LHFPL3: variants seen among roughly 807,000 people sequenced by gnomAD.
The protein encoded by LHFPL3 is LHFPL tetraspan subfamily member 3.
LHFPL3 carries 5 observed loss-of-function variants against 19.3 expected under a neutral mutation model. The ratio of observed to expected loss-of-function variants is 0.26; its 90% CI spans 0.14 to 0.54. The LOEUF is 0.54. Ranked by LOEUF, LHFPL3 falls within the 20% of genes least tolerant of loss-of-function variation. LHFPL3 has a pLI of 0.94. For missense variants in LHFPL3, 249 were observed against 307.4 expected (o/e 0.81, Z 1.42); for synonymous variants, 133 against 126.2 (o/e 1.05, Z -0.36).
chr7:104,517,932 G>A (rs572775519), intron 1 of LHFPL3, among the ~76,000 whole-genome samples: 1 of 152,182 alleles, frequency 6.6e-6, no homozygotes, highest in African/African-American at 2.4e-5. Context: ...GGGTTGATGG[G>A]TGCAGCAAGC....
chr7:104,599,073 G>C (rs2115685718), intron 1 of LHFPL3, among the ~76,000 whole-genome samples: 1 of 152,242 alleles, frequency 6.6e-6, no homozygotes, highest in East Asian at 1.9e-4. Context: ...AATGAAAGCT[G>C]TGCTTTTCTT....
At chr7:104,562,859 T>C (rs1195231401) in intron 1 of LHFPL3, among the ~76,000 whole-genome samples, 2 of 151,342 alleles carry the variant, frequency 1.3e-5, no homozygotes, top group South Asian at 2.1e-4. Context: ...GATGGGTTTT[T>C]GGTGTGGATG....
chr7:104,436,342 G>A (rs1792105360), intron 1 of LHFPL3, among the ~76,000 whole-genome samples: 1 of 152,104 alleles, frequency 6.6e-6, no homozygotes, highest in African/African-American at 2.4e-5. Flanking sequence ...TATGAGGCAT[G>A]TATCTTTAAT....
chr7:104,690,058 G>A (rs1337295635), intron 1 of LHFPL3, among the ~76,000 whole-genome samples: 1 of 152,224 alleles, frequency 6.6e-6, no homozygotes, highest in East Asian at 1.9e-4. Context: ...AGGGATTGCA[G>A]AGATTAGTGC....
At chr7:104,778,891 C>T (rs574828276) in intron 2 of LHFPL3, among the ~76,000 whole-genome samples, 1 of 152,340 alleles carries the variant, frequency 6.6e-6, no homozygotes, top group African/African-American at 2.4e-5. Context: ...TTCAGTTAAA[C>T]AGAATTATTT....
chr7:104,704,191 T>G (rs1388453273), intron 1 of LHFPL3, among the ~76,000 whole-genome samples: 1 of 152,198 alleles, frequency 6.6e-6, no homozygotes, highest in Non-Finnish European at 1.5e-5. Context: ...CTATGAAAAT[T>G]GAAAAACACT....
chr7:104,691,082 T>A (rs1193894277), intron 1 of LHFPL3, among the ~76,000 whole-genome samples: 1 of 152,210 alleles, frequency 6.6e-6, no homozygotes, highest in Non-Finnish European at 1.5e-5. Context: ...GTTACTTGGC[T>A]TTGATAGAAA....
chr7:104,893,395 T>C (rs994361140), intron 2 of LHFPL3, among the ~76,000 whole-genome samples: 14 of 151,528 alleles, frequency 9.2e-5, no homozygotes, highest in Non-Finnish European at 2.1e-4. Context: ...ATATCTGTAG[T>C]CCCAGCTACT....
At chr7:104,583,134 C>A (rs1203328332) in intron 1 of LHFPL3, among the ~76,000 whole-genome samples, 1 of 152,016 alleles carries the variant, frequency 6.6e-6, no homozygotes, top group Non-Finnish European at 1.5e-5. Context: ...TGGAACAGAA[C>A]AGAGCCCTCA....
chr7:104,769,680 A>G (rs1382411470), intron 2 of LHFPL3, among the ~76,000 whole-genome samples: 3 of 149,866 alleles, frequency 2.0e-5, no homozygotes, highest in Non-Finnish European at 3.0e-5. Flanking sequence ...TCATTGTTCA[A>G]CTCCCACTTA....
chr7:104,425,392 ATTT>A (rs996268320), intron 1 of LHFPL3, among the ~76,000 whole-genome samples: 1 of 150,752 alleles, frequency 6.6e-6, no homozygotes, highest in South Asian at 2.1e-4. Flanking sequence ...CAAAAGTTAG[ATTT>A]TTTTTTTATT....
intron 1 of LHFPL3, among the ~76,000 whole-genome samples, chr7:104,611,078 A>G (rs1460395883): frequency 6.6e-6 from 1 of 152,232 alleles, no homozygotes; most frequent in Non-Finnish European, 1.5e-5. Context: ...AGATGTTTGA[A>G]CCAGGAAAGG....
intron 1 of LHFPL3, among the ~76,000 whole-genome samples, chr7:104,522,406 A>T: frequency 2.7e-5 from 1 of 36,918 alleles, no homozygotes; most frequent in South Asian, 1.2e-3. Flanking sequence ...GGGAGGGGGG[A>T]GGGATGGATT....
intron 2 of LHFPL3, among the ~76,000 whole-genome samples, chr7:104,855,655 GCT>G (rs1271969864): frequency 6.8e-6 from 1 of 147,946 alleles, no homozygotes; most frequent in African/African-American, 2.5e-5. Context: ...TCGGAGCCTC[GCT>G]CTGTCACCCA....
At chr7:104,547,133 G>T (rs10277313) in intron 1 of LHFPL3, among the ~76,000 whole-genome samples, 2,064 of 75,754 alleles carry the variant, frequency 0.027, 631 homozygotes, top group African/African-American at 0.086. Context: ...CTACTCGGGA[G>T]GCTGAGGCAG....
At chr7:104,416,450 C>T (rs533499466) in intron 1 of LHFPL3, among the ~76,000 whole-genome samples, 1 of 152,336 alleles carries the variant, frequency 6.6e-6, no homozygotes, top group Admixed American at 6.5e-5. Context: ...TCACTGCTGC[C>T]TCCACTCCCA....
At position 104,742,284 on chromosome 7, in the gene LHFPL3, A is replaced by G. The variant is rs1379182553; in HGVS notation, c.682+5373A>G. Among the ~76,000 whole-genome samples the G allele has an allele frequency of 3.3e-5, 5 of 152,274 alleles. No homozygotes were observed. The East Asian group carries it at 9.6e-4, about 29-fold the overall frequency. On this transcript the variant is annotated intron_variant, in intron 2 of 2. Transcript: ENST00000424859. The stretch of plus-strand genomic sequence containing the variant: ...TATATGGTCTTTGGAATTTCTTATC[A>G]GATAATTGGGTCCTCTCCTGAACAA...
chr7:104,843,243 T>G (rs1791248647), intron 2 of LHFPL3, among the ~76,000 whole-genome samples: 1 of 152,216 alleles, frequency 6.6e-6, no homozygotes, highest in Non-Finnish European at 1.5e-5. Context: ...TTAAATATTT[T>G]TTAAATGATC....
chr7:104,345,893 G>C (rs1231141069), intron 1 of LHFPL3, among the ~76,000 whole-genome samples: 1 of 152,096 alleles, frequency 6.6e-6, no homozygotes, highest in Non-Finnish European at 1.5e-5. Flanking sequence ...CTAGTGGTCA[G>C]TTGATGCCCC....
Sources: allele counts gnomAD v4.1 joint callset (sites outside exome capture counted in the v4.1 genomes callset), GRCh38; gene constraint gnomAD v4.1.1; transcripts MANE v1.5; gene names NCBI Gene and HGNC (gene_info 2026-07-23, HGNC 2026-07-21).